Variants in GGCX observed in about 807,000 individuals in gnomAD.
The protein encoded by GGCX is gamma-glutamyl carboxylase.
Under a neutral mutation model 88.5 loss-of-function variants are expected in GGCX, and 63 were observed. That is an observed-to-expected ratio of 0.71 (90% confidence interval 0.58 to 0.88). The LOEUF (loss-of-function observed/expected upper bound fraction) is 0.88. Among genes scored for constraint, GGCX ranks in the 40% least tolerant of loss-of-function variants. GGCX has a pLI of 0.00. For synonymous variants in GGCX, 368 were observed against 365.8 expected, an observed-to-expected ratio of 1.01 and a Z score of -0.07; for missense variants, 805 against 932.9, an observed-to-expected ratio of 0.86 and a Z score of 1.79.
chr2:85,545,319 A>G lies in GGCX; in HGVS notation c.*4615T>C, dbSNP rs1213592236. ...TCATTTGTTAAAGTGCTTTGGGGCC[A>G]TAGGTACGTGCCTATAATCCCAACA... On this transcript the variant is annotated 3_prime_UTR_variant, in exon 15 of 15. Coordinates refer to ENST00000233838, the MANE Select transcript of GGCX (RefSeq NM_000821.7). The G allele has an allele frequency of 1.3e-5, 2 of 152,642 alleles. No homozygotes were observed. Among genetic ancestry groups the G allele is most frequent in the Admixed American group, 1.3e-4 (2 of 15,282 alleles). The allele number at this position is 152,642 out of a possible 1,614,324, so 9.5% of individuals were successfully genotyped here.
intron 6 of GGCX, 85 bp from the exon 7 acceptor site, chr2:85,554,391 C>T (rs921237078): frequency 5.7e-6 from 7 of 1,220,456 alleles, no homozygotes; most frequent in South Asian, 1.2e-5. Flanking sequence ...GCCTTGGCTA[C>T]TCCAGTGGCT....
chr2:85,560,826 C>G lies in GGCX; in HGVS notation c.203G>C (p.Arg68Pro), dbSNP rs750553400. ...PTDPASLAVF[R>P]FLFGFLMVLD... ...TAAACTGGACTCACCAAAAAGAAAA[C>G]GAAAGACAGCTAAGCTTGCAGGGTC... Residue 68 changes from arginine (R) to proline (P), a missense_variant, in exon 2 of 15, where the codon CGT (arginine) becomes CCT (proline). By Grantham distance (103) the Arg-to-Pro change is moderately radical (BLOSUM62 -2). Around this residue, in one of 3 missense-constraint regions of GGCX, gnomAD observed 61 missense variants for 111.9 expected, o/e 0.54. Transcript: ENST00000233838. 1 of 1,613,792 alleles carries G rather than the reference C, an allele frequency of 6.2e-7. No homozygotes were observed. The highest frequency in any genetic ancestry group is 8.5e-7 in the Non-Finnish European group (1 of 1,179,840).
Position 85,560,825 on chromosome 2 carries a change from A to G in GGCX, c.204T>C (p.Arg68=). ...ATAAACTGGACTCACCAAAAAGAAA[A>G]CGAAAGACAGCTAAGCTTGCAGGGT... ...PTDPASLAVF[R]FLFGFLMVLD... is the part of the protein sequence containing the mutation. The change falls in exon 2 of 15, where the codon CGT becomes CGC. Residue 68 remains arginine, a synonymous_variant. Transcript: ENST00000233838. 6.2e-7 allele frequency: 1 copy of G among 1,613,894 alleles called. No individual in the cohort carries two copies. The highest frequency in any genetic ancestry group is 8.5e-7 in the Non-Finnish European group (1 of 1,179,852).
chr2:85,554,014 A>G, intron 7 of GGCX, 129 bp downstream of exon 7: 3 of 778,630 alleles, frequency 3.9e-6, no homozygotes, highest in Non-Finnish European at 7.0e-6. Context: ...TGCCTACTTC[A>G]TAGTGACTGC....
At position 85,545,964 on chromosome 2, in the gene GGCX, C is replaced by T. The variant is rs575467767; in HGVS notation, c.*3970G>A. 14 of 152,216 alleles carry T rather than the reference C, an allele frequency of 9.2e-5. No individual in the cohort carries two copies. The highest frequency in any genetic ancestry group is 3.9e-4 in the East Asian group (2 of 5,180). The allele number at this position is 152,216 out of a possible 1,614,324, so 9.4% of individuals were successfully genotyped here. ...TTTATGGCAGGTTGTGTAGAAAATC[C>T]GCAGACCACACTGCTCTTGAACCTA... is the stretch of plus-strand genomic sequence containing the variant. On this transcript the variant is annotated 3_prime_UTR_variant, in exon 15 of 15. Transcript: ENST00000233838.
intron 2 of GGCX, among the ~76,000 whole-genome samples, chr2:85,559,703 G>A (rs1692350850): frequency 6.7e-6 from 1 of 149,258 alleles, no homozygotes; most frequent in South Asian, 2.1e-4. Flanking sequence ...CAACAAGATC[G>A]AAACTCCGTC....
At position 85,548,817 on chromosome 2, in the gene GGCX, C is replaced by T. The variant is rs537637360; in HGVS notation, c.*1117G>A. The T allele has an allele frequency of 6.6e-6, 1 of 152,272 alleles. No homozygotes were observed. Among genetic ancestry groups the T allele is most frequent in the African/African-American group, 2.4e-5 (1 of 41,552 alleles). The allele number at this position is 152,272 out of a possible 1,614,324, so 9.4% of individuals were successfully genotyped here. On this transcript the variant is annotated 3_prime_UTR_variant, in exon 15 of 15. Coordinates refer to ENST00000233838, the MANE Select transcript of GGCX (RefSeq NM_000821.7). ...CAAAATGTCTAAGCATTCCCTAATCCCTTACTAAATTTAGTTAATTCTTAC... is the reference window on the plus strand; with the variant it reads ...CAAAATGTCTAAGCATTCCCTAATCTCTTACTAAATTTAGTTAATTCTTAC...
chr2:85,559,055 T>G lies in GGCX; in HGVS notation c.235A>C (p.Ile79Leu). 1 of 1,614,128 alleles carries G rather than the reference T, an allele frequency of 6.2e-7. No homozygotes were observed. The highest frequency in any genetic ancestry group is 8.5e-7 in the Non-Finnish European group (1 of 1,179,998). ...GAGCTGAGCCCCCGCTCCTGGGGAATGTCTAGCACCATCAAGAACCCTAAG... is the reference window on the plus strand; with the variant it reads ...GAGCTGAGCCCCCGCTCCTGGGGAAGGTCTAGCACCATCAAGAACCCTAAG... ...FLFGFLMVLD[I>L]PQERGLSSLD... The change falls in exon 3 of 15, where the codon ATT (isoleucine) becomes CTT (leucine). Residue 79 changes from isoleucine (I) to leucine (L), a missense_variant. Ile to Leu is a conservative substitution (Grantham distance 5). Transcript: ENST00000233838.
At position 85,556,929 on chromosome 2, in the gene GGCX, G is replaced by C. The variant is rs559694808; in HGVS notation, c.540-669C>G. Among the ~76,000 whole-genome samples the C allele has an allele frequency of 2.6e-5, 4 of 152,276 alleles. No individual in the cohort carries two copies. In the South Asian group the frequency reaches 8.3e-4, roughly 32 times the overall value. On this transcript the variant is annotated intron_variant, in intron 4 of 14. Transcript: ENST00000233838. The stretch of plus-strand genomic sequence containing the variant: ...TTTCTTAACTGCTAGCTGACCTTAG[G>C]CAAATTCTTCACTCGTCAATAATAC...
chr2:85,559,578 G>T (rs1692346793), intron 2 of GGCX, among the ~76,000 whole-genome samples: 1 of 152,076 alleles, frequency 6.6e-6, no homozygotes, highest in African/African-American at 2.4e-5. Context: ...AGCCAGGTGT[G>T]GTGGCGCATG....
In GGCX at chr2:85,552,847, G is replaced by A; in HGVS notation, c.1287+92C>T. 23 of 1,406,278 alleles carry A rather than the reference G, an allele frequency of 1.6e-5. No homozygotes were observed. In the South Asian group the frequency reaches 2.5e-4, roughly 16 times the overall value. The allele number at this position is 1,406,278 out of a possible 1,614,324, so 87.1% of individuals were successfully genotyped here. A position where few individuals can be genotyped will look rare whatever the true frequency, so the allele number is the denominator to read the frequency against. ...GAAAAGGCAAAGCAGACTCAAATTTGTTTTGCTTTATGGTGTGTGTAAGAC... is the reference window on the plus strand; with the variant it reads ...GAAAAGGCAAAGCAGACTCAAATTTATTTTGCTTTATGGTGTGTGTAAGAC... On this transcript the variant is annotated intron_variant, in intron 9 of 14. Transcript: ENST00000233838.
chr2:85,553,665 TCTCAGCTCA>T, intron 7 of GGCX, 168 bp from the exon 8 acceptor site: 1 of 654,938 alleles, frequency 1.5e-6, no homozygotes, highest in Non-Finnish European at 2.7e-6. Context: ...AGTGGCGTGA[TCTCAGCTCA>T]CTGCAACCTC....
intron 4 of GGCX, 116 bp from the exon 5 acceptor site, chr2:85,556,376 T>C: frequency 1.4e-6 from 1 of 726,176 alleles, no homozygotes; most frequent in Non-Finnish European, 2.5e-6. Flanking sequence ...ATATCCTCCC[T>C]GGTTATTCTG....
chr2:85,559,964 C>T (rs1168169118), intron 2 of GGCX, among the ~76,000 whole-genome samples: 1 of 152,164 alleles, frequency 6.6e-6, no homozygotes, highest in Non-Finnish European at 1.5e-5. Context: ...TAGGAGCACT[C>T]CCTGACCTCT....
chr2:85,551,463 T>G lies in GGCX; in HGVS notation c.1740+17A>C. On this transcript the variant is annotated intron_variant, in intron 12 of 14. Coordinates refer to ENST00000233838, the MANE Select transcript of GGCX (RefSeq NM_000821.7). ...TGCACTCAGTTCTTTCTGCTGTTGT[T>G]AATCCCAGCAAAATACCTGCATTTT... The G allele has an allele frequency of 6.2e-7, 1 of 1,613,640 alleles. No individual in the cohort carries two copies. Among genetic ancestry groups the G allele is most frequent in the Non-Finnish European group, 8.5e-7 (1 of 1,179,588 alleles).
At chr2:85,552,813 G>A (rs1478512175) in intron 9 of GGCX, 126 bp downstream of exon 9, 4 of 1,060,312 alleles carry the variant, frequency 3.8e-6, no homozygotes, top group Admixed American at 1.7e-5. Context: ...AGTTCAATCT[G>A]GCTCTTGAGA....
chr2:85,556,199 C>A lies in GGCX; in HGVS notation c.601G>T (p.Ala201Ser), dbSNP rs932944805. ...RNAHVPLWNY[A>S]VLRGQIFIVY... ...TGCTGTACCTGGCCACGGAGCACTGCATAGTTCCAAAGGGGCACGTGGGCA... is the reference window on the plus strand; with the variant it reads ...TGCTGTACCTGGCCACGGAGCACTGAATAGTTCCAAAGGGGCACGTGGGCA... The change falls in exon 5 of 15, where the codon GCA (alanine) becomes TCA (serine). Residue 201 changes from alanine to serine, a missense_variant. By Grantham distance (99) the Ala-to-Ser change is moderately conservative (BLOSUM62 1). Transcript: ENST00000233838. 6.2e-7 allele frequency: 1 copy of A among 1,611,160 alleles called. No individual in the cohort carries two copies. The highest frequency in any genetic ancestry group is 1.7e-5 in the Admixed American group (1 of 60,026).
At chr2:85,558,217 T>C (rs1558811815) in intron 4 of GGCX, among the ~76,000 whole-genome samples, 2 of 152,150 alleles carry the variant, frequency 1.3e-5, no homozygotes, top group South Asian at 2.1e-4. Flanking sequence ...CCTGGGGAGA[T>C]AGGGAAAGAC....
chr2:85,551,522 T>C lies in GGCX; in HGVS notation c.1698A>G (p.Ala566=). 3 of 1,614,110 alleles carry C rather than the reference T, an allele frequency of 1.9e-6. No individual in the cohort carries two copies. The highest frequency in any genetic ancestry group is 1.1e-5 in the South Asian group (1 of 91,084). Reference sequence around the variant, plus strand: ...CTCGAAGAGTCTGGTTCTTCTGTTCTGCCACAAGCTCCACAGTCACTTCCC... The same window carrying C: ...CTCGAAGAGTCTGGTTCTTCTGTTCCGCCACAAGCTCCACAGTCACTTCCC... The part of the protein sequence containing the change: ...LQGEVTVELV[A]EQKNQTLREG... Residue 566 remains alanine (A), a synonymous_variant, in exon 12 of 15, where the codon GCA becomes GCG. Coordinates refer to ENST00000233838, the MANE Select transcript of GGCX (RefSeq NM_000821.7).
Sources: gnomAD v4.1 joint callset for allele counts (sites outside exome capture counted in the v4.1 genomes callset) on GRCh38, gnomAD v4.1.1 for gene constraint, gnomAD v4.1.1 regional missense constraint, MANE v1.5 for transcripts, NCBI Gene and HGNC (gene_info 2026-07-23, HGNC 2026-07-21) for gene names.